UNC5D: variants seen among roughly 807,000 people sequenced by gnomAD.
The protein encoded by UNC5D is unc-5 netrin receptor D.
Under a neutral mutation model 105.4 loss-of-function variants are expected in UNC5D, and 39 were observed. That is an observed-to-expected ratio of 0.37 (90% CI 0.29 to 0.48). The LOEUF is 0.48. Among genes scored for constraint, UNC5D ranks in the 20% least tolerant of loss-of-function variants. The pLI is 0.98. For synonymous variants in UNC5D, 452 were observed against 450.4 expected (o/e 1.00, Z -0.04); for missense variants, 991 against 1,202.4 (o/e 0.82, Z 2.60).
At chr8:35,420,710 C>A (rs956096482) in intron 1 of UNC5D, among the ~76,000 whole-genome samples, 5 of 149,786 alleles carry the variant, frequency 3.3e-5, no homozygotes, top group Non-Finnish European at 7.4e-5. Context: ...CATACTGATG[C>A]CTTATTAATT....
chr8:35,424,302 AATG>A (rs1298077282), intron 1 of UNC5D, among the ~76,000 whole-genome samples: 5 of 152,208 alleles, frequency 3.3e-5, no homozygotes, highest in Admixed American at 6.5e-5. Context: ...AATTAATTTT[AATG>A]ATATATTTAA....
At chr8:35,572,075 C>G (rs1343932507) in intron 3 of UNC5D, among the ~76,000 whole-genome samples, 2 of 151,980 alleles carry the variant, frequency 1.3e-5, no homozygotes, top group African/African-American at 4.8e-5. Context: ...ATGCTCGAGC[C>G]TAGGAGTTCG....
At chr8:35,481,702 T>A (rs1810497030) in intron 1 of UNC5D, among the ~76,000 whole-genome samples, 1 of 152,234 alleles carries the variant, frequency 6.6e-6, no homozygotes, top group Admixed American at 6.5e-5. Context: ...AATCCTATCA[T>A]CTTGTTAATT....
chr8:35,726,708 A>G, intron 10 of UNC5D, 179 bp downstream of exon 10: 1 of 943,158 alleles, frequency 1.1e-6, no homozygotes, highest in Admixed American at 2.6e-5. Flanking sequence ...CTGAGATTAG[A>G]TTTTGCAGTC....
At chr8:35,594,324 A>G (rs1218699088) in intron 3 of UNC5D, among the ~76,000 whole-genome samples, 1 of 152,214 alleles carries the variant, frequency 6.6e-6, no homozygotes, top group African/African-American at 2.4e-5. Context: ...AGTGTTTTTG[A>G]CTTGCTAAAG....
At chr8:35,683,436 C>A in intron 4 of UNC5D, 111 bp from the exon 5 acceptor site, 1 of 1,078,514 alleles carries the variant, frequency 9.3e-7, no homozygotes, top group African/African-American at 1.7e-5. Flanking sequence ...ATTGCTGTTG[C>A]TCTATATTTT....
At chr8:35,247,604 A>G (rs1167287270) in intron 1 of UNC5D, among the ~76,000 whole-genome samples, 3 of 97,960 alleles carry the variant, frequency 3.1e-5, no homozygotes, top group African/African-American at 4.2e-5. Context: ...TATAATATAT[A>G]AATATATATT....
At chr8:35,525,728 C>G in intron 1 of UNC5D, 1 of 1,585,428 alleles carries the variant, frequency 6.3e-7, no homozygotes, top group Non-Finnish European at 8.6e-7. Context: ...ACACCTGGCT[C>G]CCAACGCTGA....
intron 3 of UNC5D, among the ~76,000 whole-genome samples, chr8:35,589,282 C>A (rs1169159437): frequency 4.6e-5 from 7 of 151,790 alleles, no homozygotes; most frequent in Non-Finnish European, 7.4e-5. Context: ...CATAATGTTC[C>A]ATTGTATGAA....
intron 1 of UNC5D, among the ~76,000 whole-genome samples, chr8:35,491,939 C>T (rs1811238519): frequency 6.6e-6 from 1 of 152,124 alleles, no homozygotes; most frequent in African/African-American, 2.4e-5. Flanking sequence ...CCATTTTCTT[C>T]TCATCACCTG....
chr8:35,520,838 G>C (rs1250858637), intron 1 of UNC5D, among the ~76,000 whole-genome samples: 6 of 152,084 alleles, frequency 3.9e-5, no homozygotes, highest in Middle Eastern at 3.2e-3. Flanking sequence ...TAGACTGAGT[G>C]ATGGATTTAT....
Position 35,789,137 on chromosome 8 carries a change from C to CCATATA in UNC5D, c.2658-1222_2658-1221insCATATA, listed in dbSNP as rs1491172701. 9.2e-5 allele frequency among the ~76,000 whole-genome samples: 3 copies of CCATATA among 32,466 alleles called. No individual in the cohort carries two copies. In the East Asian group the frequency reaches 4.5e-3, roughly 49 times the overall value. The allele number at this position is 32,466 out of a possible 152,430, so 21.3% of individuals were successfully genotyped here. On this transcript the variant is annotated intron_variant, in intron 16 of 16. Coordinates refer to ENST00000404895, the MANE Select transcript of UNC5D (RefSeq NM_080872.4). ...AAATAAGACTGAGTGGGAGAAAAGA[C>CCATATA]TATATATATATATATATATATATAT... is the stretch of plus-strand genomic sequence containing the variant.
At chr8:35,387,731 T>G (rs1221848691) in intron 1 of UNC5D, among the ~76,000 whole-genome samples, 1 of 152,170 alleles carries the variant, frequency 6.6e-6, no homozygotes, top group Non-Finnish European at 1.5e-5. Context: ...TGTCATGATC[T>G]TCATATCATC....
At chr8:35,734,335 CAAAAAAAAAAAAAAA>C (rs10657691) in intron 11 of UNC5D, among the ~76,000 whole-genome samples, 5 of 28,288 alleles carry the variant, frequency 1.8e-4, no homozygotes, top group South Asian at 1.7e-3. Context: ...TAATCACTGT[CAAAAAAAAAAAAAAA>C]AAAAAAAAAA....
chr8:35,476,867 G>T (rs7812746), intron 1 of UNC5D, among the ~76,000 whole-genome samples: 4,230 of 152,224 alleles, frequency 0.028, 81 homozygotes, highest in Non-Finnish European at 0.039. Context: ...GGGCTTGGAC[G>T]TTGTACTGTG....
chr8:35,236,277 G>A (rs2128796330), intron 1 of UNC5D, among the ~76,000 whole-genome samples: 1 of 152,342 alleles, frequency 6.6e-6, no homozygotes, highest in African/African-American at 2.4e-5. Flanking sequence ...CGATGTCGGA[G>A]AGTTCCTGGG....
At chr8:35,631,654 G>A (rs748650909) in intron 4 of UNC5D, among the ~76,000 whole-genome samples, 2 of 152,194 alleles carry the variant, frequency 1.3e-5, no homozygotes, top group African/African-American at 2.4e-5. Flanking sequence ...GAGTAGATGA[G>A]TAAGGAACTT....
intron 16 of UNC5D, among the ~76,000 whole-genome samples, chr8:35,775,060 T>C (rs1217837882): frequency 6.6e-6 from 1 of 152,160 alleles, no homozygotes; most frequent in Non-Finnish European, 1.5e-5. Flanking sequence ...AAATGGGCGA[T>C]TAGACTATGT....
At chr8:35,421,260 A>G (rs145845205) in intron 1 of UNC5D, among the ~76,000 whole-genome samples, 2,198 of 152,282 alleles carry the variant, frequency 0.014, 25 homozygotes, top group Non-Finnish European at 0.022. Flanking sequence ...CTGAAATGGC[A>G]TGGGCTGAGG....
Sources: gnomAD v4.1 joint callset for allele counts (sites outside exome capture counted in the v4.1 genomes callset) on GRCh38, gnomAD v4.1.1 for gene constraint, MANE v1.5 for transcripts, NCBI Gene and HGNC (gene_info 2026-07-23, HGNC 2026-07-21) for gene names.